The following SPTLC3 variants were observed in gnomAD, a reference collection of about 807,000 sequenced individuals.
The protein encoded by SPTLC3 is serine palmitoyltransferase long chain base subunit 3, also known as serine palmitoyltransferase 3.
A neutral mutation model predicts 59.3 loss-of-function variants in SPTLC3; 36 were observed. That is an observed-to-expected ratio of 0.61 (90% CI 0.47 to 0.80). The LOEUF (loss-of-function observed/expected upper bound fraction) is 0.80. SPTLC3 is among the 30% of genes least tolerant of loss of function. The pLI is 0.00. For synonymous variants in SPTLC3, 257 were observed against 240.8 expected (o/e 1.07, Z -0.62); for missense variants, 625 against 685.1 (o/e 0.91, Z 0.98).
chr20:13,112,006 G>A (rs1990258533), intron 7 of SPTLC3, among the ~76,000 whole-genome samples: 1 of 152,208 alleles, frequency 6.6e-6, no homozygotes, highest in South Asian at 2.1e-4. Flanking sequence ...CCAGCTCCAA[G>A]CCAGAGTGGT....
intron 6 of SPTLC3, among the ~76,000 whole-genome samples, chr20:13,100,920 C>T (rs1406053656): frequency 2.0e-5 from 3 of 152,126 alleles, no homozygotes; most frequent in Non-Finnish European, 4.4e-5. Flanking sequence ...CCTTGAGACA[C>T]GGATGTAATC....
chr20:13,100,433 A>G (rs954121332), intron 6 of SPTLC3, among the ~76,000 whole-genome samples: 2 of 152,222 alleles, frequency 1.3e-5, no homozygotes, highest in Admixed American at 1.3e-4. Flanking sequence ...TGCTAAATTC[A>G]AAACTGGGTA....
intron 1 of SPTLC3, among the ~76,000 whole-genome samples, chr20:13,046,453 C>T (rs1443828839): frequency 6.6e-6 from 1 of 152,120 alleles, no homozygotes; most frequent in Non-Finnish European, 1.5e-5. Flanking sequence ...TTTCTTTTTC[C>T]TCTTCCTTGA....
At chr20:13,113,229 G>T (rs1313303860) in intron 7 of SPTLC3, among the ~76,000 whole-genome samples, 1 of 152,138 alleles carries the variant, frequency 6.6e-6, no homozygotes, top group African/African-American at 2.4e-5. Flanking sequence ...TTTTCCAAAG[G>T]AGGGTTAGGA....
chr20:13,094,416 T>G (rs1466644150), intron 6 of SPTLC3, among the ~76,000 whole-genome samples: 1 of 152,124 alleles, frequency 6.6e-6, no homozygotes, highest in Admixed American at 6.5e-5. Flanking sequence ...CTCACACACA[T>G]GCACACACGT....
chr20:13,092,574 T>C (rs1034577033), intron 5 of SPTLC3, among the ~76,000 whole-genome samples: 3 of 152,176 alleles, frequency 2.0e-5, no homozygotes, highest in Non-Finnish European at 2.9e-5. Flanking sequence ...GATCACTGAA[T>C]TGTGATTTTT....
intron 2 of SPTLC3, among the ~76,000 whole-genome samples, chr20:13,062,023 A>T (rs1331383249): frequency 6.6e-6 from 1 of 152,030 alleles, no homozygotes; most frequent in Non-Finnish European, 1.5e-5. Context: ...TGCTTCAGAC[A>T]CTAGGACCTC....
At chr20:13,043,627 G>T (rs944914744) in intron 1 of SPTLC3, among the ~76,000 whole-genome samples, 2 of 152,170 alleles carry the variant, frequency 1.3e-5, no homozygotes, top group Non-Finnish European at 2.9e-5. Flanking sequence ...CCCTCAAGGG[G>T]TCGTGTTCCA....
chr20:13,085,351 G>A (rs75419335), intron 4 of SPTLC3, among the ~76,000 whole-genome samples: 2,160 of 152,150 alleles, frequency 0.014, 48 homozygotes, highest in African/African-American at 0.048. Flanking sequence ...TTTGAAGCAT[G>A]AACTCCAAGA....
At chr20:13,132,238 G>A (rs141479467) in intron 9 of SPTLC3, among the ~76,000 whole-genome samples, 2,197 of 141,066 alleles carry the variant, frequency 0.016, 21 homozygotes, top group Middle Eastern at 0.034. Flanking sequence ...GTGCAGTGGT[G>A]CCATCTCGGC....
intron 1 of SPTLC3, among the ~76,000 whole-genome samples, chr20:13,042,511 G>C (rs2122476458): frequency 6.6e-6 from 1 of 152,276 alleles, no homozygotes; most frequent in East Asian, 1.9e-4. Context: ...GTCTGATATA[G>C]AGTCTCTACC....
intron 9 of SPTLC3, chr20:13,133,098 C>T (rs1335838649): frequency 6.6e-6 from 1 of 152,298 alleles, no homozygotes. Context: ...TAGAGATGCT[C>T]TTCTCTTCTG....
chr20:13,074,130 G>T, intron 3 of SPTLC3: 1 of 717,930 alleles, frequency 1.4e-6, no homozygotes, highest in South Asian at 1.4e-5. Flanking sequence ...GCCCGGCACT[G>T]GCTGAGGGGG....
chr20:13,081,149 G>A (rs186289346), intron 4 of SPTLC3, among the ~76,000 whole-genome samples: 32 of 152,262 alleles, frequency 2.1e-4, no homozygotes, highest in Non-Finnish European at 3.4e-4. Context: ...TTTGGGAAGT[G>A]CTCCCTCCCG....
chr20:13,088,040 A>G (rs2122615455), intron 4 of SPTLC3, among the ~76,000 whole-genome samples: 1 of 152,312 alleles, frequency 6.6e-6, no homozygotes, highest in Admixed American at 6.5e-5. Context: ...AGCTGGTAAT[A>G]GAAGACCTAA....
chr20:13,140,168 C>G (rs970528181), intron 9 of SPTLC3, among the ~76,000 whole-genome samples: 4 of 152,150 alleles, frequency 2.6e-5, no homozygotes, highest in African/African-American at 9.7e-5. Flanking sequence ...TAGTAGCATA[C>G]AGACATTAAG....
chr20:13,127,088 C>A (rs1250262923), intron 9 of SPTLC3, among the ~76,000 whole-genome samples: 1 of 152,158 alleles, frequency 6.6e-6, no homozygotes, highest in African/African-American at 2.4e-5. Context: ...AATTTAATAT[C>A]CAATTTTTCA....
At chr20:13,090,982 T>C in intron 4 of SPTLC3, 101 bp from the exon 5 acceptor site, 1 of 1,494,772 alleles carries the variant, frequency 6.7e-7, no homozygotes, top group Non-Finnish European at 9.1e-7. Flanking sequence ...CAAGCACTCT[T>C]GTATAGGTCT....
intron 9 of SPTLC3, among the ~76,000 whole-genome samples, chr20:13,129,785 C>G (rs2038080519): frequency 1.3e-5 from 2 of 152,194 alleles, no homozygotes; most frequent in Non-Finnish European, 2.9e-5. Context: ...AGCATTTGCT[C>G]CTCAGTAATC....
Sources: gnomAD v4.1 joint callset for allele counts (sites outside exome capture counted in the v4.1 genomes callset) on GRCh38, gnomAD v4.1.1 for gene constraint, MANE v1.5 for transcripts, NCBI Gene and HGNC (gene_info 2026-07-23, HGNC 2026-07-21) for gene names.